NAALADL2: variants seen among roughly 807,000 people sequenced by gnomAD.
The protein encoded by NAALADL2 is inactive N-acetylated-alpha-linked acidic dipeptidase-like protein 2.
A neutral mutation model predicts 87.2 loss-of-function variants in NAALADL2; 76 were observed. That is an observed-to-expected ratio of 0.87 (90% confidence interval 0.72 to 1.05). The LOEUF (loss-of-function observed/expected upper bound fraction) is 1.05, where lower values mean the gene tolerates loss of function less well. Ranked by LOEUF, NAALADL2 falls within the 50% of genes least tolerant of loss-of-function variation. The probability of loss-of-function intolerance (pLI) is 0.00; values close to 1 mark genes in which losing one functional copy is unlikely to be tolerated. For missense variants in NAALADL2, 1,089 were observed against 945.8 expected (o/e 1.15, Z -1.99); for synonymous variants, 354 against 331.0 (o/e 1.07, Z -0.75).
chr3:175,190,091 AC>A (rs1351298633), intron 2 of NAALADL2, among the ~76,000 whole-genome samples: 3 of 152,050 alleles, frequency 2.0e-5, no homozygotes, highest in Non-Finnish European at 2.9e-5. Flanking sequence ...AAGATCTGAA[AC>A]CATCAAACTC....
At chr3:174,815,666 G>T (rs2109310778) in intron 3 of NAALADL2, among the ~76,000 whole-genome samples, 1 of 152,058 alleles carries the variant, frequency 6.6e-6, no homozygotes, top group South Asian at 2.1e-4. Context: ...TAAGCCACAG[G>T]ACTTGTAGTA....
intron 2 of NAALADL2, among the ~76,000 whole-genome samples, chr3:174,675,464 G>C (rs1235507838): frequency 6.6e-6 from 1 of 151,948 alleles, no homozygotes; most frequent in African/African-American, 2.4e-5. Context: ...GTTAAATAAG[G>C]TTCCTCGCTT....
intron 12 of NAALADL2, among the ~76,000 whole-genome samples, chr3:175,744,292 C>G (rs375591154): frequency 1.6e-4 from 24 of 152,270 alleles, no homozygotes; most frequent in African/African-American, 5.5e-4. Flanking sequence ...CCCCTAAAAT[C>G]CAAGGTTCTC....
At chr3:174,671,617 A>T (rs1226905769) in intron 2 of NAALADL2, among the ~76,000 whole-genome samples, 2 of 152,126 alleles carry the variant, frequency 1.3e-5, no homozygotes, top group East Asian at 1.9e-4. Flanking sequence ...ATATGTCAAA[A>T]ATACTATCCG....
intron 11 of NAALADL2, among the ~76,000 whole-genome samples, chr3:175,717,684 C>T (rs1322221333): frequency 6.9e-6 from 1 of 145,750 alleles, no homozygotes; most frequent in Non-Finnish European, 1.5e-5. Context: ...GAATGAGACC[C>T]TGTCTCCAAA....
intron 4 of NAALADL2, among the ~76,000 whole-genome samples, chr3:175,296,414 C>A (rs1756379343): frequency 6.6e-6 from 1 of 152,114 alleles, no homozygotes; most frequent in Non-Finnish European, 1.5e-5. Context: ...CATAGACTTG[C>A]CACGCTGGAT....
intron 9 of NAALADL2, among the ~76,000 whole-genome samples, chr3:175,515,921 G>A (rs2149405158): frequency 6.6e-6 from 1 of 152,238 alleles, no homozygotes; most frequent in South Asian, 2.1e-4. Flanking sequence ...ATTTTTACAG[G>A]GGAAAATGCG....
At chr3:175,398,353 T>TG (rs2149047763) in intron 5 of NAALADL2, among the ~76,000 whole-genome samples, 2 of 145,766 alleles carry the variant, frequency 1.4e-5, no homozygotes, top group African/African-American at 4.9e-5. Context: ...ACTTTTTTTT[T>TG]TTTTTTTTTT....
At chr3:175,798,419 A>G (rs1375741291) in intron 13 of NAALADL2, among the ~76,000 whole-genome samples, 2 of 152,046 alleles carry the variant, frequency 1.3e-5, no homozygotes, top group African/African-American at 4.8e-5. Flanking sequence ...TATCTTCCAT[A>G]ATAGCTTGCC....
At chr3:174,562,593 A>T (rs913498205) in intron 2 of NAALADL2, among the ~76,000 whole-genome samples, 1 of 152,224 alleles carries the variant, frequency 6.6e-6, no homozygotes, top group South Asian at 2.1e-4. Flanking sequence ...ATATATTAGC[A>T]TTCTTTTTGC....
At chr3:175,608,470 TAA>T (rs1724094888) in intron 10 of NAALADL2, among the ~76,000 whole-genome samples, 1 of 151,918 alleles carries the variant, frequency 6.6e-6, no homozygotes, top group Admixed American at 6.6e-5. Context: ...ATCCATTCTA[TAA>T]AGACACAGAG....
chr3:175,556,783 C>T (rs1715347267), intron 9 of NAALADL2, among the ~76,000 whole-genome samples: 2 of 152,210 alleles, frequency 1.3e-5, no homozygotes, highest in South Asian at 4.1e-4. Context: ...TAGCAATTCA[C>T]TTGATTTCTC....
At chr3:175,442,211 C>T (rs1719894889) in intron 5 of NAALADL2, among the ~76,000 whole-genome samples, 1 of 152,068 alleles carries the variant, frequency 6.6e-6, no homozygotes, top group South Asian at 2.1e-4. Context: ...TCTCAAAGTG[C>T]TTGGATTACA....
At chr3:175,040,104 A>G (rs549395166) in intron 1 of NAALADL2, among the ~76,000 whole-genome samples, 3 of 152,298 alleles carry the variant, frequency 2.0e-5, no homozygotes, top group East Asian at 1.9e-4. Context: ...CAATCTGTCT[A>G]CTTAGCATCA....
At chr3:175,289,540 C>T (rs763502085) in intron 4 of NAALADL2, among the ~76,000 whole-genome samples, 22 of 152,042 alleles carry the variant, frequency 1.4e-4, no homozygotes, top group Admixed American at 2.0e-4. Flanking sequence ...GCAGAAAACA[C>T]GTGAAAAAAC....
chr3:174,473,758 G>A (rs1182124798), intron 1 of NAALADL2, among the ~76,000 whole-genome samples: 1 of 152,066 alleles, frequency 6.6e-6, no homozygotes, highest in Non-Finnish European at 1.5e-5. Context: ...TTCACTATTT[G>A]ATTAGATGTT....
intron 12 of NAALADL2, among the ~76,000 whole-genome samples, chr3:175,751,437 T>C (rs1354833314): frequency 6.6e-6 from 1 of 152,120 alleles, no homozygotes. Context: ...TGTTACAATA[T>C]TTTTTCCATG....
intron 11 of NAALADL2, among the ~76,000 whole-genome samples, chr3:175,645,212 A>G (rs866298335): frequency 1.3e-5 from 2 of 152,072 alleles, no homozygotes; most frequent in Non-Finnish European, 1.5e-5. Context: ...ATAAGAAACT[A>G]TATTTTCTCA....
rs34028719 is a variant in NAALADL2, at chr3:174,509,404, C to CTT, written c.-183-41150_-183-41149dup. Among the ~76,000 whole-genome samples the CTT allele has an allele frequency of 3.4e-3, 364 of 106,918 alleles. 8 individuals are homozygous for CTT. Among genetic ancestry groups the CTT allele is most frequent in the Non-Finnish European group, 3.0e-3 (148 of 49,608 alleles). The allele number at this position is 106,918 out of a possible 152,430, so 70.1% of individuals were successfully genotyped here. A position where few individuals can be genotyped will look rare whatever the true frequency, so the allele number is the denominator to read the frequency against. ...AGCTCTGGTGTCTCTTCCTTTCTTTCTTTTTTTTTTTTTTTTGAGACGGAG... is the reference window on the plus strand; with the variant it reads ...AGCTCTGGTGTCTCTTCCTTTCTTTCTTTTTTTTTTTTTTTTTTGAGACGGAG... On this transcript the variant is annotated intron_variant, in intron 1 of 3. Transcript: ENST00000434257.
Sources: gnomAD v4.1 joint callset for allele counts (sites outside exome capture counted in the v4.1 genomes callset) on GRCh38, gnomAD v4.1.1 for gene constraint, MANE v1.5 for transcripts, NCBI Gene and HGNC (gene_info 2026-07-23, HGNC 2026-07-21) for gene names.